Variants in HYCC1 observed in about 807,000 individuals in gnomAD.
HYCC1 encodes the protein hyccin PI4KA lipid kinase complex subunit 1, also known as hyccin.
chr7:22,912,270 C>T, the HYCC1 span, among the ~76,000 whole-genome samples: 3 of 152,204 alleles, frequency 2.0e-5, no homozygotes, highest in African/African-American at 4.8e-5. Context: ...CCTCTCCCAA[C>T]TTTATTCACC....
At chr7:22,961,923 C>A in the HYCC1 span, among the ~76,000 whole-genome samples, 1 of 151,752 alleles carries the variant, frequency 6.6e-6, no homozygotes, top group Non-Finnish European at 1.5e-5. Flanking sequence ...CCAAACCCTT[C>A]CTAAAAATCA....
the HYCC1 span, among the ~76,000 whole-genome samples, chr7:23,006,267 G>A: frequency 3.3e-5 from 5 of 152,146 alleles, no homozygotes; most frequent in African/African-American, 1.2e-4. Context: ...CCCAATTTAA[G>A]CACTTTTTTT....
At chr7:23,010,024 T>C in the HYCC1 span, among the ~76,000 whole-genome samples, 1 of 152,192 alleles carries the variant, frequency 6.6e-6, no homozygotes, top group Non-Finnish European at 1.5e-5. Context: ...TACATGATGA[T>C]GCCAGGGATC....
chr7:22,975,195 T>C, the HYCC1 span, among the ~76,000 whole-genome samples: 1 of 132,338 alleles, frequency 7.6e-6, no homozygotes, highest in Admixed American at 7.5e-5. Flanking sequence ...GGGAATAATC[T>C]GTCATTTTTG....
chr7:22,997,187 T>C, the HYCC1 span, among the ~76,000 whole-genome samples: 7 of 152,162 alleles, frequency 4.6e-5, no homozygotes, highest in Admixed American at 4.6e-4. Flanking sequence ...CCAAAATTTA[T>C]CTTTTAGTGT....
the HYCC1 span, among the ~76,000 whole-genome samples, chr7:22,975,221 C>CT: frequency 6.1e-4 from 92 of 151,828 alleles, no homozygotes; most frequent in Non-Finnish European, 1.1e-3. Context: ...TTTGTTTCTC[C>CT]TTTTTAAAAA....
chr7:23,012,426 T>C, the HYCC1 span, among the ~76,000 whole-genome samples: 2 of 152,170 alleles, frequency 1.3e-5, no homozygotes, highest in Non-Finnish European at 2.9e-5. Flanking sequence ...ACTAAGAAGG[T>C]TTCTAATCCT....
chr7:22,987,511 G>T, the HYCC1 span, among the ~76,000 whole-genome samples: 1 of 152,220 alleles, frequency 6.6e-6, no homozygotes, highest in Admixed American at 6.5e-5. Context: ...CTGTGCCACT[G>T]CACTCCAGCT....
the HYCC1 span, among the ~76,000 whole-genome samples, chr7:23,013,428 C>A: frequency 1.3e-5 from 2 of 152,226 alleles, no homozygotes; most frequent in African/African-American, 4.8e-5. Flanking sequence ...CCAGACCGGA[C>A]GGACAGTGGC....
At chr7:22,999,832 T>C in the HYCC1 span, among the ~76,000 whole-genome samples, 1 of 152,058 alleles carries the variant, frequency 6.6e-6, no homozygotes, top group African/African-American at 2.4e-5. Context: ...GTAATCCAGA[T>C]GGCAAAGGAA....
the HYCC1 span, among the ~76,000 whole-genome samples, chr7:22,901,102 T>G: frequency 6.6e-6 from 1 of 150,876 alleles, no homozygotes; most frequent in Non-Finnish European, 1.5e-5. Context: ...GTGCCTGTAG[T>G]CCCAGCTATT....
At chr7:22,935,930 T>A in the HYCC1 span, 3 of 150,708 alleles carry the variant, frequency 2.0e-5, no homozygotes, top group South Asian at 6.4e-4. Context: ...ATTATAGGCA[T>A]AAGCCACTGC....
At chr7:22,909,041 A>G in the HYCC1 span, among the ~76,000 whole-genome samples, 1 of 152,202 alleles carries the variant, frequency 6.6e-6, no homozygotes, top group Non-Finnish European at 1.5e-5. Context: ...GTCCATGACC[A>G]TGCTGGGAGA....
chr7:22,980,637 T>C, the HYCC1 span, among the ~76,000 whole-genome samples: 4 of 152,150 alleles, frequency 2.6e-5, no homozygotes, highest in Admixed American at 6.6e-5. Context: ...AGGAAAATCT[T>C]GCAAAATTTT....
the HYCC1 span, among the ~76,000 whole-genome samples, chr7:22,897,516 A>G: frequency 2.0e-5 from 3 of 152,246 alleles, no homozygotes; most frequent in African/African-American, 7.2e-5. Context: ...TGAGGGTAAC[A>G]GTAGCAACAA....
At chr7:22,996,051 T>G in the HYCC1 span, among the ~76,000 whole-genome samples, 2 of 151,942 alleles carry the variant, frequency 1.3e-5, no homozygotes, top group Non-Finnish European at 2.9e-5. Flanking sequence ...TCCCAGCACT[T>G]TGGGAGGCTG....
chr7:23,004,953 G>C, the HYCC1 span, among the ~76,000 whole-genome samples: 177 of 152,066 alleles, frequency 1.2e-3, no homozygotes, highest in African/African-American at 4.1e-3. Flanking sequence ...CTACAAGCAC[G>C]TGCCACCATG....
the HYCC1 span, among the ~76,000 whole-genome samples, chr7:23,012,879 T>C: frequency 6.6e-6 from 1 of 152,210 alleles, no homozygotes; most frequent in Non-Finnish European, 1.5e-5. Context: ...CTCCAAAAAC[T>C]ACTGTGTGAT....
the HYCC1 span, among the ~76,000 whole-genome samples, chr7:22,951,811 T>C: frequency 1.3e-5 from 2 of 151,836 alleles, no homozygotes; most frequent in African/African-American, 4.8e-5. Flanking sequence ...CTAGGGAAAA[T>C]GTCTGACAAT....
Sources: gnomAD v4.1 joint callset for allele counts (sites outside exome capture counted in the v4.1 genomes callset) on GRCh38, gnomAD v4.1.1 for gene constraint, MANE v1.5 for transcripts, NCBI Gene and HGNC (gene_info 2026-07-23, HGNC 2026-07-21) for gene names.